Variants in SMPX observed in about 807,000 individuals in gnomAD.
The protein encoded by SMPX is small muscular protein.
A neutral mutation model predicts 6.3 loss-of-function variants in SMPX; 2 were observed. The ratio of observed to expected loss-of-function variants is 0.32; its 90% CI spans 0.13 to 0.99. The LOEUF is 0.99. Among genes scored for constraint, SMPX ranks in the 50% least tolerant of loss-of-function variants. The pLI is 0.49. For synonymous variants in SMPX, 32 were observed against 24.7 expected (o/e 1.30, Z -0.88); for missense variants, 60 against 66.8 (o/e 0.90, Z 0.36).
chrX:21,736,765 G>A (rs776919812), intron 4 of SMPX, among the ~76,000 whole-genome samples: 2 of 110,843 alleles, frequency 1.8e-5, no homozygotes, highest in East Asian at 2.9e-4. Flanking sequence ...TGTACATTGC[G>A]GGCTTAGTAA....
intron 4 of SMPX, among the ~76,000 whole-genome samples, chrX:21,734,509 CT>C (rs2092808428): frequency 8.9e-6 from 1 of 111,886 alleles, no homozygotes; most frequent in African/African-American, 3.2e-5. Context: ...TCATCTGGTT[CT>C]TGGACTTTCT....
chrX:21,731,151 T>C (rs1308705691), intron 4 of SMPX, among the ~76,000 whole-genome samples: 3 of 110,780 alleles, frequency 2.7e-5, no homozygotes, highest in Non-Finnish European at 5.7e-5. Context: ...TAGAAGCATG[T>C]TGTTTAAGTT....
rs188040990 is a variant in SMPX, at chrX:21,750,354, T to A, written c.45+3892A>T. On this transcript the variant is annotated intron_variant, in intron 2 of 4. Coordinates refer to ENST00000379494, the MANE Select transcript of SMPX (RefSeq NM_014332.3). ...CAGAACCGGAGTTGGCAATCTATAGTCCGCGGGCCAAATCCAGTCCACCAC... is the reference window on the plus strand; with the variant it reads ...CAGAACCGGAGTTGGCAATCTATAGACCGCGGGCCAAATCCAGTCCACCAC... Among the ~76,000 whole-genome samples the A allele has an allele frequency of 2.3e-3, 257 of 111,683 alleles. 1 individual carries two copies. The highest frequency in any genetic ancestry group is 7.7e-3 in the African/African-American group (236 of 30,734).
chrX:21,733,720 C>T (rs1274067750), intron 4 of SMPX: 1 of 326,750 alleles, frequency 3.1e-6, no homozygotes, highest in East Asian at 9.8e-5. Context: ...TTATTTTGTT[C>T]CTCTTCAATT....
At chrX:21,729,524 C>A (rs1385949770) in intron 4 of SMPX, among the ~76,000 whole-genome samples, 1 of 111,645 alleles carries the variant, frequency 9.0e-6, no homozygotes, top group Non-Finnish European at 1.9e-5. Flanking sequence ...AAAATCCACA[C>A]CCTCCCCCCA....
intron 4 of SMPX, among the ~76,000 whole-genome samples, chrX:21,713,311 C>T (rs921767410): frequency 1.8e-5 from 2 of 112,166 alleles, no homozygotes; most frequent in Non-Finnish European, 1.9e-5. Context: ...AGCTAGCTAT[C>T]GGCTGATCCA....
intron 4 of SMPX, among the ~76,000 whole-genome samples, chrX:21,706,953 T>C (rs1482221295): frequency 9.1e-6 from 1 of 110,081 alleles, no homozygotes; most frequent in Non-Finnish European, 1.9e-5. Context: ...GTGAGTCAAT[T>C]AAAACTCTTT....
At chrX:21,713,654 C>T (rs1450749708) in intron 4 of SMPX, among the ~76,000 whole-genome samples, 1 of 111,605 alleles carries the variant, frequency 9.0e-6, no homozygotes, top group East Asian at 2.8e-4. Flanking sequence ...AGACCCGCCC[C>T]CATGATTCGA....
Position 21,754,861 on chromosome X carries a change from C to T in SMPX, c.-12-559G>A, listed in dbSNP as rs146224639. Among the ~76,000 whole-genome samples the T allele has an allele frequency of 1.0e-3, 116 of 112,239 alleles. 1 individual carries two copies. The highest frequency in any genetic ancestry group is 3.5e-3 in the African/African-American group (109 of 30,917). On this transcript the variant is annotated intron_variant, in intron 1 of 4. Transcript: ENST00000379494. ...AGCAACCTGGGAGATGCTCTGAGGA[C>T]GTAGGTCCCATCTCCTGCTCTGTGT...
At chrX:21,743,129 TAGAA>T (rs2092817738) in intron 3 of SMPX, among the ~76,000 whole-genome samples, 1 of 111,850 alleles carries the variant, frequency 8.9e-6, no homozygotes, top group African/African-American at 3.3e-5. Context: ...AGTAAAGAAT[TAGAA>T]AGAGGAAAAA....
At chrX:21,721,013 T>A (rs2092791127) in intron 4 of SMPX, among the ~76,000 whole-genome samples, 1 of 111,980 alleles carries the variant, frequency 8.9e-6, no homozygotes, top group Non-Finnish European at 1.9e-5. Flanking sequence ...CTGGCAGTTT[T>A]TAGAGGGAGA....
At chrX:21,725,947 A>G (rs1363517037) in intron 4 of SMPX, among the ~76,000 whole-genome samples, 1 of 112,052 alleles carries the variant, frequency 8.9e-6, no homozygotes, top group Non-Finnish European at 1.9e-5. Context: ...AGCAAGGGGC[A>G]GAGGGCAGAA....
intron 4 of SMPX, among the ~76,000 whole-genome samples, chrX:21,710,477 C>G (rs897544513): frequency 9.0e-6 from 1 of 111,170 alleles, no homozygotes; most frequent in Admixed American, 9.5e-5. Flanking sequence ...GACGGGGGCA[C>G]TAAAATCTCA....
chrX:21,738,045 T>A (rs1405977266), intron 3 of SMPX, among the ~76,000 whole-genome samples: 1 of 112,560 alleles, frequency 8.9e-6, no homozygotes, highest in East Asian at 2.8e-4. Flanking sequence ...TAATTTGTAA[T>A]CATACAATTA....
chrX:21,736,617 T>C (rs1187899982), intron 4 of SMPX, among the ~76,000 whole-genome samples: 2 of 111,911 alleles, frequency 1.8e-5, no homozygotes, highest in Non-Finnish European at 3.8e-5. Flanking sequence ...TAGTGAACAC[T>C]CAATAAATAT....
chrX:21,728,627 GA>G (rs2092800108), intron 4 of SMPX, among the ~76,000 whole-genome samples: 2 of 112,583 alleles, frequency 1.8e-5, no homozygotes, highest in Admixed American at 1.9e-4. Flanking sequence ...CCAACATGGT[GA>G]AATATTATTT....
At chrX:21,738,865 C>A (rs2092813344) in intron 3 of SMPX, among the ~76,000 whole-genome samples, 1 of 110,731 alleles carries the variant, frequency 9.0e-6, no homozygotes, top group African/African-American at 3.3e-5. Context: ...ACCCTCTATC[C>A]CTCTCTCCCT....
At chrX:21,751,564 G>A (rs2092827450) in intron 2 of SMPX, among the ~76,000 whole-genome samples, 1 of 112,130 alleles carries the variant, frequency 8.9e-6, no homozygotes, top group African/African-American at 3.2e-5. Flanking sequence ...TCAAAGTCAT[G>A]CAGCTAGCAA....
chrX:21,726,680 C>T (rs758800227), intron 4 of SMPX, among the ~76,000 whole-genome samples: 1 of 111,959 alleles, frequency 8.9e-6, no homozygotes, highest in Admixed American at 9.4e-5. Flanking sequence ...CCCTGAATGC[C>T]AAGAGTACCC....
Sources: allele counts gnomAD v4.1 joint callset (sites outside exome capture counted in the v4.1 genomes callset), GRCh38; gene constraint gnomAD v4.1.1; transcripts MANE v1.5; gene names NCBI Gene and HGNC (gene_info 2026-07-23, HGNC 2026-07-21).